KLHL35: variants seen among roughly 807,000 people sequenced by gnomAD.
The protein encoded by KLHL35 is kelch like family member 35.
In KLHL35, 50 loss-of-function variants were observed where a neutral mutation model predicts 44.0. The observed-to-expected ratio is 1.14, with a 90% CI of 0.91 to 1.44. The LOEUF (loss-of-function observed/expected upper bound fraction) is 1.44. KLHL35 is among the 40% of genes most tolerant of loss of function. The pLI, the probability that KLHL35 is intolerant of heterozygous loss-of-function variation, is 0.00. For synonymous variants in KLHL35, 470 were observed against 410.4 expected (o/e 1.15, Z -1.76); for missense variants, 1,049 against 887.8 (o/e 1.18, Z -2.31).
chr11:75,422,528 T>C lies in KLHL35; in HGVS notation c.*52A>G. The C allele has an allele frequency of 6.4e-7, 1 of 1,559,152 alleles. No individual in the cohort carries two copies. The highest frequency in any genetic ancestry group is 1.1e-5 in the South Asian group (1 of 89,252). ...GTGCCATGAGGGAGCAGAGTGTGCA[T>C]CTGAGCTCCGCCTGCCTCTCCGCCT... On this transcript the variant is annotated 3_prime_UTR_variant, in exon 7 of 7. Transcript: ENST00000539798.
intron 5 of KLHL35, chr11:75,425,039 G>A (rs908602704): frequency 1.3e-5 from 2 of 157,440 alleles, no homozygotes; most frequent in Admixed American, 1.5e-4. Flanking sequence ...GTGGGATTAT[G>A]GGTTTTTTTT....
chr11:75,426,047 C>G (rs1185771133), intron 4 of KLHL35: 1 of 157,850 alleles, frequency 6.3e-6, no homozygotes, highest in African/African-American at 2.4e-5. Context: ...GCTCCGCCTC[C>G]CAGGTTCATG....
Position 75,429,753 on chromosome 11 carries a change from G to A in KLHL35, c.877C>T (p.Arg293Trp). ...GCTAGGGGATGGCGGCCCTACCTCC[G>A]CGGCCGGGTCCGCAGCGCACCGGCC... ...REAGALRTRP[R>W]RFMDLAEVIV... is the part of the protein sequence containing the mutation. The change falls in exon 2 of 7, where the codon CGG becomes TGG. Residue 293 changes from arginine (R) to tryptophan (W), a missense_variant. Physicochemically the swap from Arg to Trp is moderately radical, Grantham distance 101. Transcript: ENST00000539798. 6.8e-7 allele frequency: 1 copy of A among 1,463,922 alleles called. No homozygotes were observed. 90.7% of individuals were successfully genotyped at this position (1,463,922 alleles called of 1,614,324 possible).
Position 75,430,202 on chromosome 11 carries a change from ACGCAGGCCTCG to A in KLHL35, c.417_427del (p.Glu140AlafsTer54), listed in dbSNP as rs1283672564. On this transcript the variant is annotated frameshift_variant, in exon 2 of 7. Transcript: ENST00000539798. LOFTEE classifies it high-confidence loss of function. ...GCGCAGGCGGCCCTCGAGAAAGCGC[ACGCAGGCCTCG>A]CGCAGGCCCGCCACGCCCAGCCGCT... 2 of 1,238,994 alleles carry A rather than the reference ACGCAGGCCTCG, an allele frequency of 1.6e-6. No homozygotes were observed. Among genetic ancestry groups the A allele is most frequent in the East Asian group, 3.9e-5 (1 of 25,426 alleles). The allele number at this position is 1,238,994 out of a possible 1,614,324, so 76.8% of individuals were successfully genotyped here. A position where few individuals can be genotyped will look rare whatever the true frequency, so the allele number is the denominator to read the frequency against.
intron 5 of KLHL35, chr11:75,424,855 T>C (rs1476974792): frequency 1.3e-5 from 2 of 152,638 alleles, no homozygotes; most frequent in East Asian, 1.9e-4. Flanking sequence ...AGTACAGACA[T>C]TGAAATGATG....
chr11:75,429,941 G>A lies in KLHL35; in HGVS notation c.689C>T (p.Ala230Val). The change falls in exon 2 of 7, where the codon GCC (alanine) becomes GTC (valine). Residue 230 changes from alanine to valine, a missense_variant. Coordinates refer to ENST00000539798, the MANE Select transcript of KLHL35 (RefSeq NM_001039548.3). Reference sequence around the variant, plus strand: ...CAGGCGTCGCAGCTGGCCGCGGCGGGCCGGCGCGTCGTGGCGCACCCAGCG... The same window carrying A: ...CAGGCGTCGCAGCTGGCCGCGGCGGACCGGCGCGTCGTGGCGCACCCAGCG... ...AMRWVRHDAPARRGQLRRLLE... is the reference protein window; with the variant it reads ...AMRWVRHDAPVRRGQLRRLLE... 6.9e-7 allele frequency: 1 copy of A among 1,457,248 alleles called. No homozygotes were observed. The highest frequency in any genetic ancestry group is 9.0e-7 in the Non-Finnish European group (1 of 1,114,276). 90.3% of individuals were successfully genotyped at this position (1,457,248 alleles called of 1,614,324 possible). A position where few individuals can be genotyped will look rare whatever the true frequency, so the allele number is the denominator to read the frequency against.
At chr11:75,428,206 T>C (rs1443276373) in intron 3 of KLHL35, among the ~76,000 whole-genome samples, 1 of 152,256 alleles carries the variant, frequency 6.6e-6, no homozygotes, top group African/African-American at 2.4e-5. Flanking sequence ...CTAATACGAA[T>C]TGACTTCCTT....
intron 2 of KLHL35, among the ~76,000 whole-genome samples, chr11:75,429,473 C>A (rs907819912): frequency 3.3e-5 from 5 of 152,212 alleles, no homozygotes; most frequent in Non-Finnish European, 7.3e-5. Flanking sequence ...ACTTCCGCAT[C>A]CCGGCACCCT....
At position 75,425,388 on chromosome 11, in the gene KLHL35, C is replaced by T. The variant is rs1010091922; in HGVS notation, c.1374+5G>A. The T allele has an allele frequency of 6.5e-7, 1 of 1,543,526 alleles. No individual in the cohort carries two copies. Among genetic ancestry groups the T allele is most frequent in the Non-Finnish European group, 8.7e-7 (1 of 1,152,158 alleles). ...CGCCCTCTCGCGCCTGAGGCCCACG[C>T]CCACCTTGTCCGTGTTGACGCCGCC... On this transcript the variant is annotated splice_donor_5th_base_variant and intron_variant, in intron 5 of 6. Coordinates refer to ENST00000539798, the MANE Select transcript of KLHL35 (RefSeq NM_001039548.3).
At position 75,429,720 on chromosome 11, in the gene KLHL35, G is replaced by A; in HGVS notation, c.881+29C>T. 2.8e-6 allele frequency: 4 copies of A among 1,426,808 alleles called. No homozygotes were observed. In the South Asian group the frequency reaches 5.8e-5, roughly 21 times the overall value. 88.4% of individuals were successfully genotyped at this position (1,426,808 alleles called of 1,614,324 possible). A position where few individuals can be genotyped will look rare whatever the true frequency, so the allele number is the denominator to read the frequency against. Reference sequence around the variant, plus strand: ...GTGGAAGCAGGCGGGAAGAACGGAGGGCGGGAAGCTAGGGGATGGCGGCCC... The same window carrying A: ...GTGGAAGCAGGCGGGAAGAACGGAGAGCGGGAAGCTAGGGGATGGCGGCCC... On this transcript the variant is annotated intron_variant, in intron 2 of 6. Transcript: ENST00000539798.
At chr11:75,424,813 G>A (rs2135079065) in intron 5 of KLHL35, 2 of 152,460 alleles carry the variant, frequency 1.3e-5, no homozygotes, top group Middle Eastern at 3.4e-3. Flanking sequence ...AATAAAAGAT[G>A]AGTAGACTCT....
At chr11:75,425,054 C>G (rs1359112476) in intron 5 of KLHL35, among the ~76,000 whole-genome samples, 2 of 142,256 alleles carry the variant, frequency 1.4e-5, no homozygotes, top group Non-Finnish European at 3.1e-5. Context: ...TTTTTTTTTT[C>G]TATTTTTCTG....
chr11:75,430,160 G>T lies in KLHL35; in HGVS notation c.470C>A (p.Ala157Glu). Reference protein sequence around the residue: ...EGRLRAANSLALRRVAAAFSL... With the variant: ...EGRLRAANSLELRRVAAAFSL... ...GAAGGCGGCGGCCACGCGGCGCAGC[G>T]CTAGGCTGTTGGCGGCGCGCAGGCG... is the stretch of plus-strand genomic sequence containing the variant. Residue 157 changes from alanine (A) to glutamate (E), a missense_variant, in exon 2 of 7, where the codon GCG becomes GAG. By Grantham distance (107) the Ala-to-Glu change is moderately radical. Coordinates refer to ENST00000539798, the MANE Select transcript of KLHL35 (RefSeq NM_001039548.3). 2 of 1,246,406 alleles carry T rather than the reference G, an allele frequency of 1.6e-6. No individual in the cohort carries two copies. The highest frequency in any genetic ancestry group is 2.0e-6 in the Non-Finnish European group (2 of 996,462). The allele number at this position is 1,246,406 out of a possible 1,614,324, so 77.2% of individuals were successfully genotyped here.
In KLHL35 at chr11:75,428,551, GGCGAAGGGCA is replaced by G. The variant is rs1380971017; in HGVS notation, c.947_956del (p.Leu316ProfsTer59). On this transcript the variant is annotated frameshift_variant, in exon 3 of 7. Transcript: ENST00000539798. LOFTEE classifies it high-confidence loss of function. ...GCTGGCTCTCTGGATGGTAGGCATC[GGCGAAGGGCA>G]GCTTCAGGAGACCTTTGCGGTCGCA... The G allele has an allele frequency of 6.2e-7, 1 of 1,611,648 alleles. No individual in the cohort carries two copies. The highest frequency in any genetic ancestry group is 8.5e-7 in the Non-Finnish European group (1 of 1,179,776).
chr11:75,427,115 T>C (rs1315505659), intron 3 of KLHL35, among the ~76,000 whole-genome samples: 1 of 152,180 alleles, frequency 6.6e-6, no homozygotes, highest in Non-Finnish European at 1.5e-5. Context: ...TCATTTCTGA[T>C]CTCATCCCTC....
At chr11:75,430,653 A>G in intron 1 of KLHL35, 23 bp from the exon 2 acceptor site, 1 of 1,326,980 alleles carries the variant, frequency 7.5e-7, no homozygotes, top group Non-Finnish European at 9.6e-7. Flanking sequence ...GAACACAAAC[A>G]GCGTCGGGGA....
chr11:75,425,718 G>A (rs1253224467), intron 4 of KLHL35, 137 bp from the exon 5 acceptor site: 4 of 762,312 alleles, frequency 5.2e-6, no homozygotes, highest in Admixed American at 3.9e-5. Context: ...ACTGACCCCC[G>A]AGCCCAGTGC....
At position 75,425,551 on chromosome 11, in the gene KLHL35, T is replaced by C; in HGVS notation, c.1216A>G (p.Arg406Gly). 7.4e-6 allele frequency: 11 copies of C among 1,493,330 alleles called. No individual in the cohort carries two copies. The highest frequency in any genetic ancestry group is 9.7e-6 in the Non-Finnish European group (11 of 1,128,602). The allele number at this position is 1,493,330 out of a possible 1,614,324, so 92.5% of individuals were successfully genotyped here. A position where few individuals can be genotyped will look rare whatever the true frequency, so the allele number is the denominator to read the frequency against. ...TAGCGCTCCACGCTGTGCAGGCGCC[T>C]CAGGCCGTCGAAGCCACCCACCGCG... ...LFAVGGFDGL[R>G]RLHSVERYDP... Residue 406 changes from arginine to glycine, a missense_variant, in exon 5 of 7, where the codon AGG becomes GGG. Physicochemically the swap from Arg to Gly is moderately radical, Grantham distance 125 (BLOSUM62 -2). Transcript: ENST00000539798.
Position 75,430,334 on chromosome 11 carries a change from GC to G in KLHL35, c.295del (p.Ala99ArgfsTer58). Reference protein sequence around the residue: ...PEAPGTSPAGAAAALAVVLDY... With the variant: ...PEAPGTSPAGXAAALAVVLDY... ...GAGCACCACGGCCAGCGCCGCCGCC[GC>G]CCCGGCCGGGCTCGTGCCTGGCGCC... On this transcript the variant is annotated frameshift_variant, in exon 2 of 7. Transcript: ENST00000539798. LOFTEE classifies it high-confidence loss of function. The G allele has an allele frequency of 3.1e-6, 4 of 1,280,324 alleles. No homozygotes were observed. The highest frequency in any genetic ancestry group is 3.0e-6 in the Non-Finnish European group (3 of 1,013,128). The allele number at this position is 1,280,324 out of a possible 1,614,324, so 79.3% of individuals were successfully genotyped here.
Sources: gnomAD v4.1 joint callset for allele counts (sites outside exome capture counted in the v4.1 genomes callset) on GRCh38, gnomAD v4.1.1 for gene constraint, MANE v1.5 for transcripts, NCBI Gene and HGNC (gene_info 2026-07-23, HGNC 2026-07-21) for gene names.